Variants in PHF8 observed in about 807,000 individuals in gnomAD.
PHF8 encodes the protein PHD finger protein 8.
Under a neutral mutation model 74.4 loss-of-function variants are expected in PHF8, and 9 were observed. The observed-to-expected ratio is 0.12, with a 90% CI of 0.07 to 0.21. The LOEUF is 0.21. Ranked by LOEUF, PHF8 falls within the 10% of genes least tolerant of loss-of-function variation. The pLI, the probability that PHF8 is intolerant of heterozygous loss-of-function variation, is 1.00. For synonymous variants in PHF8, 311 were observed against 316.6 expected, an observed-to-expected ratio of 0.98 and a Z score of 0.19; for missense variants, 478 against 816.6, an observed-to-expected ratio of 0.59 and a Z score of 5.05.
intron 18 of PHF8, among the ~76,000 whole-genome samples, chrX:53,972,552 A>G (rs1279001731): frequency 9.0e-6 from 1 of 111,299 alleles, no homozygotes; most frequent in African/African-American, 3.3e-5. Flanking sequence ...CAAAAACATG[A>G]TTATCTCAAT....
At chrX:53,944,935 T>C (rs1360295078) in intron 19 of PHF8, among the ~76,000 whole-genome samples, 4 of 111,488 alleles carry the variant, frequency 3.6e-5, no homozygotes, top group African/African-American at 1.3e-4. Flanking sequence ...GGCATGAGAA[T>C]TGCTTGAGCC....
intron 13 of PHF8, among the ~76,000 whole-genome samples, 173 bp downstream of exon 13, chrX:53,993,428 T>C (rs1231969303): frequency 8.9e-6 from 1 of 112,062 alleles, no homozygotes; most frequent in Non-Finnish European, 1.9e-5. Context: ...CCTATCACAG[T>C]GCCCGGCATA....
intron 19 of PHF8, among the ~76,000 whole-genome samples, chrX:53,945,931 G>A (rs1603300045): frequency 8.9e-6 from 1 of 111,797 alleles, no homozygotes; most frequent in African/African-American, 3.3e-5. Context: ...GTGTTATTCT[G>A]TCTACCAGCC....
At chrX:53,965,814 G>C (rs1438968576) in intron 18 of PHF8, among the ~76,000 whole-genome samples, 1 of 111,105 alleles carries the variant, frequency 9.0e-6, no homozygotes, top group East Asian at 2.8e-4. Flanking sequence ...TTGACTTCCA[G>C]AGTAAACCAC....
At chrX:54,033,860 T>C (rs1390298284) in intron 2 of PHF8, among the ~76,000 whole-genome samples, 1 of 110,090 alleles carries the variant, frequency 9.1e-6, no homozygotes. Flanking sequence ...GAGGTGGAGG[T>C]TGAAGTGACC....
Position 53,985,155 on chromosome X carries a change from T to C in PHF8, c.2202A>G (p.Ser734=). 8.3e-7 allele frequency: 1 copy of C among 1,207,013 alleles called. No homozygotes were observed. The highest frequency in any genetic ancestry group is 1.1e-6 in the Non-Finnish European group (1 of 892,742). The change falls in exon 18 of 22, where the codon TCA becomes TCG. Residue 734 remains serine (S), a synonymous_variant. Coordinates refer to ENST00000338154, the MANE Select transcript of PHF8 (RefSeq NM_015107.3). ...GGCTAGAGGTAGCCGGTGAGGACGATGAGGACTGCAGGTTGGCCATGCACA... is the reference window on the plus strand; with the variant it reads ...GGCTAGAGGTAGCCGGTGAGGACGACGAGGACTGCAGGTTGGCCATGCACA... ...GMLCMANLQS[S]SSSPATSSLQ... is the part of the protein sequence containing the mutation.
At chrX:53,985,284 C>T (rs923517320) in intron 17 of PHF8, 57 bp from the exon 18 acceptor site, 16 of 964,039 alleles carry the variant, frequency 1.7e-5, no homozygotes, top group Non-Finnish European at 2.0e-5. Flanking sequence ...CAGAGTAAAT[C>T]GGTCATCAGA....
At chrX:54,013,801 G>A (rs1557107268) in intron 7 of PHF8, among the ~76,000 whole-genome samples, 2 of 110,414 alleles carry the variant, frequency 1.8e-5, no homozygotes, top group African/African-American at 6.6e-5. Context: ...ACTGGCAACT[G>A]TCATCTTAGG....
At chrX:54,012,332 T>C (rs191732314) in intron 7 of PHF8, among the ~76,000 whole-genome samples, 62 of 111,952 alleles carry the variant, frequency 5.5e-4, no homozygotes, top group South Asian at 1.1e-3. Flanking sequence ...TTCTATAAAA[T>C]GAAATTATTT....
At chrX:54,011,540 A>G (rs782811252) in intron 7 of PHF8, among the ~76,000 whole-genome samples, 2 of 112,308 alleles carry the variant, frequency 1.8e-5, no homozygotes, top group African/African-American at 6.5e-5. Context: ...AAATTGTTCA[A>G]GTTAAGACAT....
intron 19 of PHF8, among the ~76,000 whole-genome samples, chrX:53,959,090 T>C (rs949170005): frequency 1.2e-4 from 13 of 111,844 alleles, no homozygotes; most frequent in African/African-American, 4.2e-4. Context: ...TTATAAACAA[T>C]GGCATAGGAA....
chrX:54,011,298 A>G lies in PHF8; in HGVS notation c.784-14T>C. The G allele has an allele frequency of 1.7e-6, 2 of 1,201,137 alleles. No individual in the cohort carries two copies. Among genetic ancestry groups the G allele is most frequent in the Non-Finnish European group, 2.3e-6 (2 of 885,838 alleles). On this transcript the variant is annotated splice_polypyrimidine_tract_variant and intron_variant, in intron 7 of 21. Coordinates refer to ENST00000338154, the MANE Select transcript of PHF8 (RefSeq NM_015107.3). ...GATCTTTTCACCCTGAAACAAAAAG[A>G]GGTTGAAGTGACAAAAATACCAAGG...
chrX:54,044,940 G>GTTC, upstream of PHF8: 1 of 1,074,878 alleles, frequency 9.3e-7, no homozygotes, highest in East Asian at 3.3e-5. Flanking sequence ...TGCGTTGTTG[G>GTTC]TTCTTCCCCC....
rs782056312 is a variant in PHF8 at position 53,987,734 on chromosome X, C to G, written c.1909+32G>C. ...CAAAACAAACAAACAAAAAAACGGGCAGGGGAGGAAAAAGAAAGAACAGAC... is the reference window on the plus strand; with the variant it reads ...CAAAACAAACAAACAAAAAAACGGGGAGGGGAGGAAAAAGAAAGAACAGAC... On this transcript the variant is annotated intron_variant, in intron 15 of 21. Coordinates refer to ENST00000338154, the MANE Select transcript of PHF8 (RefSeq NM_015107.3). 3 of 1,121,760 alleles carry G rather than the reference C, an allele frequency of 2.7e-6. No homozygotes were observed. The African/African-American group carries it at 5.4e-5, about 20-fold the overall frequency. 92.4% of individuals were successfully genotyped at this position (1,121,760 alleles called of 1,213,427 possible). A position where few individuals can be genotyped will look rare whatever the true frequency, so the allele number is the denominator to read the frequency against.
chrX:54,018,621 ATTC>A, intron 4 of PHF8, among the ~76,000 whole-genome samples: 1 of 107,642 alleles, frequency 9.3e-6, no homozygotes, highest in African/African-American at 3.5e-5. Context: ...TGCCTATCTC[ATTC>A]TTTTTTTTTT....
chrX:53,949,495 G>C (rs1557086269), intron 19 of PHF8, among the ~76,000 whole-genome samples: 1 of 110,726 alleles, frequency 9.0e-6, no homozygotes, highest in African/African-American at 3.3e-5. Flanking sequence ...ATTTGAATAA[G>C]TACATGGTAC....
At chrX:53,966,897 T>A (rs1323762446) in intron 18 of PHF8, among the ~76,000 whole-genome samples, 5 of 99,261 alleles carry the variant, frequency 5.0e-5, no homozygotes, top group African/African-American at 3.8e-5. Flanking sequence ...CCGTCTGGGA[T>A]GTGAGGAGCG....
chrX:53,987,572 G>A (rs1557099929), intron 15 of PHF8, among the ~76,000 whole-genome samples, 194 bp downstream of exon 15: 1 of 111,786 alleles, frequency 8.9e-6, no homozygotes, highest in Non-Finnish European at 1.9e-5. Flanking sequence ...AGCCAGGCAT[G>A]GTGGCACATG....
chrX:54,009,863 A>G (rs1468968928), intron 8 of PHF8, among the ~76,000 whole-genome samples: 4 of 88,475 alleles, frequency 4.5e-5, no homozygotes, highest in African/African-American at 1.7e-4. Context: ...AAAAAAAAAA[A>G]AAAAAAAAAA....
Sources: allele counts gnomAD v4.1 joint callset (sites outside exome capture counted in the v4.1 genomes callset), GRCh38; gene constraint gnomAD v4.1.1; transcripts MANE v1.5; gene names NCBI Gene and HGNC (gene_info 2026-07-23, HGNC 2026-07-21).